The following TLN2 variants were observed in gnomAD, a reference collection of about 807,000 sequenced individuals.
TLN2 encodes talin-2.
A neutral mutation model predicts 294.7 loss-of-function variants in TLN2; 118 were observed. That is an observed-to-expected ratio of 0.40 (90% confidence interval 0.34 to 0.47). The LOEUF (loss-of-function observed/expected upper bound fraction) is 0.47. Among genes scored for constraint, TLN2 ranks in the 20% least tolerant of loss-of-function variants. The pLI, the probability that TLN2 is intolerant of heterozygous loss-of-function variation, is 0.84. For missense variants in TLN2, 3,083 were observed against 3,282.2 expected, an observed-to-expected ratio of 0.94 and a Z score of 1.48; for synonymous variants, 1,431 against 1,304.5, an observed-to-expected ratio of 1.10 and a Z score of -2.09.
intron 28 of TLN2, among the ~76,000 whole-genome samples, chr15:62,731,906 C>T (rs2060749364): frequency 6.6e-6 from 1 of 152,144 alleles, no homozygotes; most frequent in Non-Finnish European, 1.5e-5. Flanking sequence ...AAACTGTATA[C>T]ATTTATTACT....
At chr15:62,826,305 T>C (rs1179672633) in intron 54 of TLN2, among the ~76,000 whole-genome samples, 1 of 152,118 alleles carries the variant, frequency 6.6e-6, no homozygotes, top group Non-Finnish European at 1.5e-5. Context: ...GGAAAACTAC[T>C]CCCAAGATAC....
chr15:62,541,945 A>G (rs977945075), intron 1 of TLN2, among the ~76,000 whole-genome samples: 2 of 150,924 alleles, frequency 1.3e-5, no homozygotes, highest in Admixed American at 1.3e-4. Context: ...ATTATTTGTG[A>G]ACAAATATTT....
At position 62,717,666 on chromosome 15, in the gene TLN2, C is replaced by T. The variant is rs2059868648; in HGVS notation, c.2854C>T (p.Gln952Ter). 6.3e-7 allele frequency: 1 copy of T among 1,599,630 alleles called. No homozygotes were observed. The highest frequency in any genetic ancestry group is 8.5e-7 in the Non-Finnish European group (1 of 1,173,842). Residue 952 changes from glutamine to a stop codon, truncating the protein, a stop_gained, in exon 24 of 59, where the codon CAG (glutamine) becomes TAG (stop). Transcript: ENST00000636159. LOFTEE classifies it high-confidence loss of function. ...TTCCAACAAGAACCCTGCGGCCCAG[C>T]AGCAGCTGGTCCAGAGTTGCAAGGT... ...AVSNKNPAAQ[Q>*]QLVQSCKAVA...
At chr15:62,683,234 G>C (rs1160631142) in intron 11 of TLN2, among the ~76,000 whole-genome samples, 1 of 152,206 alleles carries the variant, frequency 6.6e-6, no homozygotes, top group Non-Finnish European at 1.5e-5. Flanking sequence ...CCTCCATCCA[G>C]TTCTGGATCT....
intron 1 of TLN2, among the ~76,000 whole-genome samples, chr15:62,407,522 C>A (rs954057291): frequency 6.6e-6 from 1 of 152,124 alleles, no homozygotes; most frequent in Non-Finnish European, 1.5e-5. Context: ...TGTACCCTAT[C>A]ATGGACATAA....
chr15:62,442,931 A>G (rs890192597), intron 1 of TLN2, among the ~76,000 whole-genome samples: 5 of 151,996 alleles, frequency 3.3e-5, no homozygotes, highest in African/African-American at 7.3e-5. Flanking sequence ...TAGTGGTCCT[A>G]TCTTCCGTCT....
intron 3 of TLN2, among the ~76,000 whole-genome samples, chr15:62,641,550 G>A (rs542978713): frequency 6.6e-6 from 1 of 152,174 alleles, no homozygotes; most frequent in African/African-American, 2.4e-5. Flanking sequence ...GGCTACTCGG[G>A]AGGCAGAGGT....
At chr15:62,819,427 G>A in intron 52 of TLN2, 89 bp from the exon 53 acceptor site, 1 of 1,104,936 alleles carries the variant, frequency 9.1e-7, no homozygotes, top group Non-Finnish European at 1.4e-6. Context: ...CAGGCTGCCT[G>A]ACTCCACATC....
At position 62,538,911 on chromosome 15, in the gene TLN2, T is replaced by C. The variant is rs1002977620; in HGVS notation, c.-237-50776T>C. On this transcript the variant is annotated intron_variant, in intron 1 of 58. Transcript: ENST00000636159. ...GAGAGAGGGTAAGTGCTTTATTACC[T>C]GCTGATTACCATAATAAAACATCTC... 2.0e-5 allele frequency among the ~76,000 whole-genome samples: 3 copies of C among 152,218 alleles called. 1 individual carries two copies. Among genetic ancestry groups the C allele is most frequent in the Non-Finnish European group, 4.4e-5 (3 of 68,038 alleles).
intron 2 of TLN2, among the ~76,000 whole-genome samples, chr15:62,612,038 A>C (rs1246805160): frequency 6.6e-6 from 1 of 152,148 alleles, no homozygotes; most frequent in African/African-American, 2.4e-5. Flanking sequence ...ATGACTTCAA[A>C]TTGGGATACA....
chr15:62,835,514 T>C (rs1471786552), intron 55 of TLN2: 8 of 589,676 alleles, frequency 1.4e-5, no homozygotes, highest in East Asian at 5.6e-5. Context: ...TAGCATTTCC[T>C]GTCGCCTCTT....
chr15:62,584,202 T>A (rs1214243189), intron 1 of TLN2, among the ~76,000 whole-genome samples: 5 of 152,226 alleles, frequency 3.3e-5, no homozygotes, highest in African/African-American at 7.2e-5. Context: ...TGTGCACACA[T>A]AAGGTTAGAG....
At chr15:62,521,558 A>G (rs929685519) in intron 1 of TLN2, among the ~76,000 whole-genome samples, 3 of 152,184 alleles carry the variant, frequency 2.0e-5, no homozygotes, top group African/African-American at 7.2e-5. Context: ...TAAAGACTTA[A>G]GTAGAAAGAA....
intron 1 of TLN2, among the ~76,000 whole-genome samples, chr15:62,518,059 A>G (rs899438994): frequency 1.3e-5 from 2 of 148,464 alleles, no homozygotes; most frequent in Non-Finnish European, 3.0e-5. Context: ...TTTTTTTTTG[A>G]GATTGAGTCT....
chr15:62,615,921 T>C (rs1459492951), intron 2 of TLN2, among the ~76,000 whole-genome samples: 1 of 152,168 alleles, frequency 6.6e-6, no homozygotes, highest in Non-Finnish European at 1.5e-5. Flanking sequence ...AATATCTTGT[T>C]TGGATTTGTA....
intron 17 of TLN2, 113 bp downstream of exon 17, chr15:62,701,327 T>C (rs930230882): frequency 2.1e-6 from 2 of 941,020 alleles, no homozygotes; most frequent in Non-Finnish European, 3.1e-6. Context: ...CTTTATATTA[T>C]GAGAGGATAG....
rs189930439 is a variant in TLN2, at chr15:62,800,763, G to A, written c.6471G>A (p.Glu2157=). 5.7e-4 allele frequency: 911 copies of A among 1,611,018 alleles called. 1 individual carries two copies. The highest frequency in any genetic ancestry group is 7.2e-4 in the Admixed American group (43 of 59,584). The stretch of plus-strand genomic sequence containing the variant: ...CCACAATTGAATGCATAAAGCAGGA[G>A]CTTACGGTAAGGAGCCAGCAGTTAC... The part of the protein sequence containing the change: ...LEATIECIKQ[E]LTVFQSKDVP... The change falls in exon 50 of 59, where the codon GAG becomes GAA. Residue 2157 remains glutamate, a synonymous_variant. Coordinates refer to ENST00000636159, the MANE Select transcript of TLN2 (RefSeq NM_015059.3).
chr15:62,757,739 G>C (rs1261401839), intron 37 of TLN2, among the ~76,000 whole-genome samples: 1 of 152,294 alleles, frequency 6.6e-6, no homozygotes, highest in East Asian at 1.9e-4. Flanking sequence ...ACGTGGAAAA[G>C]ATAAAGGCCT....
rs79494726 is a variant in TLN2 at position 62,629,579 on chromosome 15, A to T, written c.-37+11104A>T. Among the ~76,000 whole-genome samples the T allele has an allele frequency of 9.2e-4, 140 of 152,210 alleles. 1 individual carries two copies. The highest frequency in any genetic ancestry group is 3.0e-3 in the African/African-American group (126 of 41,534). On this transcript the variant is annotated intron_variant, in intron 3 of 58. Transcript: ENST00000636159. ...TTTCCCCCAAATGAGGTATTTTCCA[A>T]AGTTGTCCTGACATTCCAAGGTAGG...
Sources: gnomAD v4.1 joint callset for allele counts (sites outside exome capture counted in the v4.1 genomes callset) on GRCh38, gnomAD v4.1.1 for gene constraint, MANE v1.5 for transcripts, NCBI Gene and HGNC (gene_info 2026-07-23, HGNC 2026-07-21) for gene names.